Variants in SCN8A observed in about 807,000 individuals in gnomAD.
SCN8A encodes sodium channel protein type 8 subunit alpha.
SCN8A carries 30 observed loss-of-function variants against 184.1 expected under a neutral mutation model. The observed-to-expected ratio is 0.16, with a 90% CI of 0.12 to 0.22. The LOEUF is 0.22. SCN8A is among the 10% of genes least tolerant of loss of function. SCN8A has a pLI of 1.00. For synonymous variants in SCN8A, 852 were observed against 907.0 expected (o/e 0.94, Z 1.09); for missense variants, 1,057 against 2,498.9 (o/e 0.42, Z 12.30).
rs79689371 is a variant in SCN8A at position 51,637,615 on chromosome 12, A to G, written c.-54-25149A>G. Among the ~76,000 whole-genome samples, 6 of 152,332 alleles carry G rather than the reference A, an allele frequency of 3.9e-5. No homozygotes were observed. The East Asian group carries it at 9.6e-4, about 24-fold the overall frequency. On this transcript the variant is annotated intron_variant, in intron 1 of 26. Transcript: ENST00000627620. ...CAGAGCAAGGCCCTAATTCTCTCCA[A>G]TTCTATGAAAGCTGAGGGAGGTGAG...
intron 17 of SCN8A, 81 bp downstream of exon 17, chr12:51,769,416 A>G (rs1428725624): frequency 4.3e-5 from 42 of 983,222 alleles, no homozygotes; most frequent in Admixed American, 7.6e-5. Context: ...TGGTTCAGCT[A>G]TGGGCTTGGT....
intron 12 of SCN8A, among the ~76,000 whole-genome samples, chr12:51,723,608 G>C (rs1942109480): frequency 6.6e-6 from 1 of 152,154 alleles, no homozygotes; most frequent in Non-Finnish European, 1.5e-5. Flanking sequence ...GGGAGTGGTG[G>C]CTCACGCCTG....
In SCN8A at chr12:51,807,534, A is replaced by C; in HGVS notation, c.*105A>C. 8.2e-7 allele frequency: 1 copy of C among 1,224,086 alleles called. No individual in the cohort carries two copies. Among genetic ancestry groups the C allele is most frequent in the Non-Finnish European group, 1.2e-6 (1 of 857,180 alleles). The allele number at this position is 1,224,086 out of a possible 1,614,324, so 75.8% of individuals were successfully genotyped here. A position where few individuals can be genotyped will look rare whatever the true frequency, so the allele number is the denominator to read the frequency against. On this transcript the variant is annotated 3_prime_UTR_variant, in exon 27 of 27. Coordinates refer to ENST00000627620, the MANE Select transcript of SCN8A (RefSeq NM_001330260.2). The surrounding 1 kb of genome is among the most constrained non-coding windows in gnomAD (Gnocchi z 4.5). ...ATGCAGAACAGCTGTGGAGACTCTA[A>C]CCTGAAGATCTATACCAAACGTCGT...
At chr12:51,725,820 G>T (rs1337503743) in intron 12 of SCN8A, among the ~76,000 whole-genome samples, 1 of 152,184 alleles carries the variant, frequency 6.6e-6, no homozygotes, top group East Asian at 1.9e-4. Context: ...CAAGACAGAT[G>T]AAAATTAATA....
intron 1 of SCN8A, among the ~76,000 whole-genome samples, chr12:51,614,489 T>G (rs550680787): frequency 1.3e-5 from 2 of 152,264 alleles, no homozygotes; most frequent in East Asian, 3.9e-4. Flanking sequence ...TTCAGATTTA[T>G]AGAAGTGTTG....
In SCN8A at chr12:51,768,971, G is replaced by A. The variant is rs752402332; in HGVS notation, c.3008G>A (p.Arg1003His). The change falls in exon 17 of 27, where the codon CGT becomes CAT. Residue 1003 changes from arginine to histidine, a missense_variant. Physicochemically the swap from Arg to His is conservative, Grantham distance 29 (BLOSUM62 0). Coordinates refer to ENST00000627620, the MANE Select transcript of SCN8A (RefSeq NM_001330260.2). ...EMNNLQISVIRIKKGVAWTKL... is the reference protein window; with the variant it reads ...EMNNLQISVIHIKKGVAWTKL... ...AACAACCTCCAGATCTCAGTGATCC[G>A]TATCAAGAAGGGTGTGGCCTGGACC... 4 of 1,613,602 alleles carry A rather than the reference G, an allele frequency of 2.5e-6. No individual in the cohort carries two copies. The highest frequency in any genetic ancestry group is 1.1e-5 in the South Asian group (1 of 91,068).
At chr12:51,632,991 GA>G (rs1940230092) in intron 1 of SCN8A, among the ~76,000 whole-genome samples, 1 of 152,082 alleles carries the variant, frequency 6.6e-6, no homozygotes, top group African/African-American at 2.4e-5. Flanking sequence ...TATACAATAA[GA>G]ATAATAACAA....
At chr12:51,789,491 G>C in intron 24 of SCN8A, 73 bp downstream of exon 24, 1 of 1,455,644 alleles carries the variant, frequency 6.9e-7, no homozygotes, top group Non-Finnish European at 9.4e-7. Context: ...CCTATCTCTA[G>C]AAAGAAAATG....
chr12:51,787,657 T>G (rs188149272), intron 22 of SCN8A, among the ~76,000 whole-genome samples: 1 of 152,378 alleles, frequency 6.6e-6, no homozygotes, highest in Admixed American at 6.5e-5. Context: ...CCATGCTTAA[T>G]TAATGAAAAT....
intron 14 of SCN8A, among the ~76,000 whole-genome samples, chr12:51,762,267 G>A (rs1273741110): frequency 1.3e-5 from 2 of 152,112 alleles, no homozygotes; most frequent in African/African-American, 4.8e-5. Flanking sequence ...TAAATTGAGT[G>A]GTTCTGGCAA....
At chr12:51,634,223 A>G (rs966647627) in intron 1 of SCN8A, among the ~76,000 whole-genome samples, 1 of 152,234 alleles carries the variant, frequency 6.6e-6, no homozygotes, top group Non-Finnish European at 1.5e-5. Context: ...ATTTATATAA[A>G]GTTTCGGAAC....
chr12:51,591,479 C>G (rs1410543619), intron 1 of SCN8A, 120 bp downstream of exon 1: 1 of 152,658 alleles, frequency 6.6e-6, no homozygotes, highest in Non-Finnish European at 1.5e-5. Context: ...CCGCAGAGTG[C>G]GCGGCGGGGC....
At chr12:51,672,131 A>G (rs985324679) in intron 2 of SCN8A, among the ~76,000 whole-genome samples, 2 of 152,080 alleles carry the variant, frequency 1.3e-5, no homozygotes, top group African/African-American at 4.8e-5. Flanking sequence ...ACACACTCAA[A>G]GCCTCTCCCA....
chr12:51,781,537 A>G (rs996493626), intron 21 of SCN8A, among the ~76,000 whole-genome samples: 4 of 152,132 alleles, frequency 2.6e-5, no homozygotes, highest in African/African-American at 9.7e-5. Flanking sequence ...GTGATACTCC[A>G]CCCAAAACAA....
chr12:51,670,257 G>T (rs1006499989), intron 2 of SCN8A, among the ~76,000 whole-genome samples: 1 of 152,156 alleles, frequency 6.6e-6, no homozygotes. Context: ...TGTAGCCTTG[G>T]CAATAGACCA....
At chr12:51,763,742 T>A (rs775312021) in intron 15 of SCN8A, among the ~76,000 whole-genome samples, 1 of 152,212 alleles carries the variant, frequency 6.6e-6, no homozygotes, top group Non-Finnish European at 1.5e-5. Context: ...GAAACTGAGT[T>A]ATCCTGGGGG....
intron 19 of SCN8A, among the ~76,000 whole-genome samples, chr12:51,771,444 A>C (rs1942924447): frequency 1.3e-5 from 2 of 152,122 alleles, no homozygotes; most frequent in Admixed American, 1.3e-4. Context: ...AAAAAAAAAA[A>C]CATAGCAAGG....
intron 24 of SCN8A, 66 bp from the exon 25 acceptor site, chr12:51,790,332 T>G (rs1025275609): frequency 1.8e-6 from 2 of 1,126,994 alleles, no homozygotes; most frequent in Non-Finnish European, 1.3e-6. Flanking sequence ...TATTGAACCT[T>G]AGGTCCAAAC....
intron 26 of SCN8A, among the ~76,000 whole-genome samples, chr12:51,800,476 TTGTTTTTGATTTAC>T (rs1292666965): frequency 6.6e-6 from 1 of 152,238 alleles, no homozygotes; most frequent in East Asian, 1.9e-4. Flanking sequence ...GGATGCAGTA[TTGTTTTTGATTTAC>T]TGTTTTTCTA....
Sources: gnomAD v4.1 joint callset for allele counts (sites outside exome capture counted in the v4.1 genomes callset) on GRCh38, gnomAD v4.1.1 for gene constraint, Gnocchi (gnomAD v3.1) non-coding constraint, MANE v1.5 for transcripts, NCBI Gene and HGNC (gene_info 2026-07-23, HGNC 2026-07-21) for gene names.